The following BBS9 variants were observed in gnomAD, a reference collection of about 807,000 sequenced individuals.
BBS9 encodes the protein Bardet-Biedl syndrome 9.
Under a neutral mutation model 117.7 loss-of-function variants are expected in BBS9, and 89 were observed. The ratio of observed to expected loss-of-function variants is 0.76; its 90% CI spans 0.64 to 0.90. BBS9 has a LOEUF of 0.90. BBS9 is among the 40% of genes least tolerant of loss of function. The probability of loss-of-function intolerance (pLI) is 0.00; values close to 1 mark genes in which losing one functional copy is unlikely to be tolerated. For synonymous variants in BBS9, 379 were observed against 370.9 expected, an observed-to-expected ratio of 1.02 and a Z score of -0.25; for missense variants, 982 against 1,042.2, an observed-to-expected ratio of 0.94 and a Z score of 0.80.
chr7:33,476,997 A>G (rs1477911369), intron 19 of BBS9, among the ~76,000 whole-genome samples: 1 of 152,226 alleles, frequency 6.6e-6, no homozygotes, highest in African/African-American at 2.4e-5. Flanking sequence ...ATTATAGCCT[A>G]GTGACAAAGA....
chr7:33,474,882 T>C (rs893077988), intron 19 of BBS9, among the ~76,000 whole-genome samples: 4 of 152,064 alleles, frequency 2.6e-5, no homozygotes, highest in African/African-American at 7.2e-5. Context: ...GAGGTGGAGG[T>C]TGCAGTGAGC....
At chr7:33,622,231 TAAAAAA>T (rs1274165461) in intron 21 of BBS9, among the ~76,000 whole-genome samples, 1 of 151,580 alleles carries the variant, frequency 6.6e-6, no homozygotes, top group Non-Finnish European at 1.5e-5. Flanking sequence ...AAAAAATAAA[TAAAAAA>T]GAAAAATACT....
chr7:33,250,558 C>G (rs1034530755), intron 5 of BBS9, among the ~76,000 whole-genome samples: 1 of 152,094 alleles, frequency 6.6e-6, no homozygotes, highest in Non-Finnish European at 1.5e-5. Flanking sequence ...GTAAGGGGAG[C>G]CTTTGGTATG....
chr7:33,471,506 A>G (rs1841034191), intron 19 of BBS9, among the ~76,000 whole-genome samples: 1 of 152,194 alleles, frequency 6.6e-6, no homozygotes, highest in Admixed American at 6.5e-5. Flanking sequence ...CTGCAGGTGG[A>G]ACAACAGTAT....
rs541526329 is a variant in BBS9, at chr7:33,155,645, G to A, written c.271G>A (p.Glu91Lys). 1.6e-5 allele frequency: 26 copies of A among 1,591,722 alleles called. No homozygotes were observed. The highest frequency in any genetic ancestry group is 5.5e-5 in the South Asian group (5 of 90,368). Residue 91 changes from glutamate to lysine, a missense_variant, in exon 4 of 23, where the codon GAA (glutamate) becomes AAA (lysine). Physicochemically the swap from Glu to Lys is moderately conservative, Grantham distance 56. Transcript: ENST00000242067. ...ACTTTCTCTGTTTTTCAGAGGTACC[G>A]AAATGCTACATTTGGCTGTGTTACA... ...VEVGKFVSGT[E>K]MLHLAVLHSR...
At chr7:33,131,905 A>G (rs1185599624) in intron 1 of BBS9, among the ~76,000 whole-genome samples, 4 of 152,142 alleles carry the variant, frequency 2.6e-5, no homozygotes, top group Non-Finnish European at 2.9e-5. Flanking sequence ...CTTGTTGTAG[A>G]AAAAAAAGTA....
intron 21 of BBS9, among the ~76,000 whole-genome samples, chr7:33,591,391 T>C (rs1861894450): frequency 6.6e-6 from 1 of 152,080 alleles, no homozygotes. Context: ...AAAGGATCCT[T>C]AAAATTTCTA....
intron 9 of BBS9, among the ~76,000 whole-genome samples, chr7:33,280,496 G>A (rs1801603454): frequency 6.6e-6 from 1 of 152,138 alleles, no homozygotes; most frequent in Admixed American, 6.5e-5. Flanking sequence ...CATAGCTCAA[G>A]TCACATAAAT....
At chr7:33,354,184 T>G (rs1819210148) in intron 15 of BBS9, among the ~76,000 whole-genome samples, 1 of 152,108 alleles carries the variant, frequency 6.6e-6, no homozygotes, top group African/African-American at 2.4e-5. Flanking sequence ...AAATTATAAT[T>G]AAGCTTTAGG....
intron 19 of BBS9, among the ~76,000 whole-genome samples, chr7:33,495,310 C>T (rs1844557945): frequency 6.6e-6 from 1 of 152,162 alleles, no homozygotes; most frequent in Non-Finnish European, 1.5e-5. Flanking sequence ...TAAAGGAATG[C>T]TCTTAGGACA....
chr7:33,135,779 G>A lies in BBS9; in HGVS notation c.-12+5738G>A, dbSNP rs562891565. 1.6e-4 allele frequency among the ~76,000 whole-genome samples: 24 copies of A among 152,244 alleles called. No homozygotes were observed. In the South Asian group the frequency reaches 2.5e-3, roughly 16 times the overall value. ...GTAGATTGATTTGGGAAGTATTGCCGTCCTAACAATATTGAGTCTTCAGAT... is the reference window on the plus strand; with the variant it reads ...GTAGATTGATTTGGGAAGTATTGCCATCCTAACAATATTGAGTCTTCAGAT... On this transcript the variant is annotated intron_variant, in intron 1 of 22. Transcript: ENST00000242067.
intron 17 of BBS9, among the ~76,000 whole-genome samples, chr7:33,373,926 T>C (rs1043704079): frequency 7.2e-5 from 11 of 152,330 alleles, no homozygotes; most frequent in African/African-American, 2.6e-4. Flanking sequence ...AACTGTGTTA[T>C]ACAAAGTACC....
At chr7:33,132,355 A>G (rs1342604571) in intron 1 of BBS9, among the ~76,000 whole-genome samples, 4 of 152,234 alleles carry the variant, frequency 2.6e-5, no homozygotes, top group Admixed American at 6.5e-5. Context: ...TAGTTTTGTT[A>G]TGAATATCAA....
At chr7:33,444,158 A>C (rs1433335745) in intron 19 of BBS9, among the ~76,000 whole-genome samples, 1 of 152,182 alleles carries the variant, frequency 6.6e-6, no homozygotes, top group African/African-American at 2.4e-5. Flanking sequence ...AGACCCTCAG[A>C]ATAGAGATGC....
intron 21 of BBS9, among the ~76,000 whole-genome samples, chr7:33,590,938 AC>A (rs1322445403): frequency 6.6e-6 from 1 of 152,090 alleles, no homozygotes; most frequent in Non-Finnish European, 1.5e-5. Context: ...TTTTGAAGCA[AC>A]TGGAGAATTT....
intron 21 of BBS9, among the ~76,000 whole-genome samples, chr7:33,551,329 TG>T (rs2052221303): frequency 6.6e-6 from 1 of 152,162 alleles, no homozygotes; most frequent in Non-Finnish European, 1.5e-5. Context: ...TAAAATTAGT[TG>T]CAGCAGTAAA....
chr7:33,560,250 G>A (rs1050157707), intron 21 of BBS9, among the ~76,000 whole-genome samples: 1 of 152,166 alleles, frequency 6.6e-6, no homozygotes, highest in Admixed American at 6.5e-5. Flanking sequence ...CTGAAATTGT[G>A]TAGAACAACT....
At chr7:33,389,813 G>T (rs1826739094) in intron 19 of BBS9, among the ~76,000 whole-genome samples, 1 of 152,020 alleles carries the variant, frequency 6.6e-6, no homozygotes, top group Non-Finnish European at 1.5e-5. Flanking sequence ...AAACACCGCA[G>T]TGTTGTTGCT....
intron 17 of BBS9, among the ~76,000 whole-genome samples, chr7:33,376,026 T>C (rs1279891296): frequency 6.6e-6 from 1 of 152,162 alleles, no homozygotes; most frequent in Non-Finnish European, 1.5e-5. Flanking sequence ...TATTATGAGT[T>C]TTACATTAAA....
Sources: gnomAD v4.1 joint callset for allele counts (sites outside exome capture counted in the v4.1 genomes callset) on GRCh38, gnomAD v4.1.1 for gene constraint, MANE v1.5 for transcripts, NCBI Gene and HGNC (gene_info 2026-07-23, HGNC 2026-07-21) for gene names.